PPP2R5E: variants seen among roughly 807,000 people sequenced by gnomAD.
PPP2R5E encodes protein phosphatase 2 regulatory subunit B'epsilon.
Under a neutral mutation model 65.3 loss-of-function variants are expected in PPP2R5E, and 4 were observed. The observed-to-expected ratio is 0.06, with a 90% confidence interval of 0.03 to 0.14. The LOEUF (loss-of-function observed/expected upper bound fraction) is 0.14. PPP2R5E is among the 10% of genes least tolerant of loss of function. The pLI, the probability that PPP2R5E is intolerant of heterozygous loss-of-function variation, is 1.00. For synonymous variants in PPP2R5E, 183 were observed against 187.4 expected (o/e 0.98, Z 0.19); for missense variants, 274 against 556.1 (o/e 0.49, Z 5.10).
At chr14:63,541,769 T>C (rs184119273) in intron 1 of PPP2R5E, among the ~76,000 whole-genome samples, 13 of 152,268 alleles carry the variant, frequency 8.5e-5, no homozygotes, top group Admixed American at 3.3e-4. Context: ...TTAAAACACA[T>C]GCACACATAT....
chr14:63,526,945 G>A (rs567129929), intron 2 of PPP2R5E, among the ~76,000 whole-genome samples: 36 of 152,322 alleles, frequency 2.4e-4, no homozygotes, highest in Middle Eastern at 3.4e-3. Context: ...CAAGGCGGGC[G>A]GATCACCTGA....
At chr14:63,473,987 G>A (rs1366875242) in intron 2 of PPP2R5E, among the ~76,000 whole-genome samples, 1 of 152,128 alleles carries the variant, frequency 6.6e-6, no homozygotes, top group Middle Eastern at 3.2e-3. Flanking sequence ...AAAACCTGAG[G>A]GAGAGACATT....
At chr14:63,473,279 A>G (rs1242105696) in intron 2 of PPP2R5E, among the ~76,000 whole-genome samples, 1 of 152,228 alleles carries the variant, frequency 6.6e-6, no homozygotes, top group Non-Finnish European at 1.5e-5. Flanking sequence ...AAGGGGCTAT[A>G]AATTAAACGG....
At chr14:63,502,012 G>C (rs1304774115) in intron 2 of PPP2R5E, among the ~76,000 whole-genome samples, 1 of 151,872 alleles carries the variant, frequency 6.6e-6, no homozygotes, top group Non-Finnish European at 1.5e-5. Flanking sequence ...CTTCTGTCTC[G>C]GCCTCCCGAG....
chr14:63,519,507 A>ATTTTT (rs557285871), intron 2 of PPP2R5E, among the ~76,000 whole-genome samples: 7 of 124,324 alleles, frequency 5.6e-5, no homozygotes, highest in African/African-American at 1.6e-4. Flanking sequence ...TGCCCAGCTA[A>ATTTTT]TTTTTTTTTT....
chr14:63,468,711 C>T (rs1889963239), intron 2 of PPP2R5E, among the ~76,000 whole-genome samples: 1 of 152,176 alleles, frequency 6.6e-6, no homozygotes, highest in African/African-American at 2.4e-5. Flanking sequence ...AAGCAATGTT[C>T]GACAGCTTTG....
rs746723162 is a variant in PPP2R5E, at chr14:63,539,542, C to T, written c.144G>A (p.Leu48=). The T allele has an allele frequency of 6.1e-5, 98 of 1,613,720 alleles. No homozygotes were observed. Among genetic ancestry groups the T allele is most frequent in the Non-Finnish European group, 7.8e-5 (92 of 1,179,814 alleles). Reference sequence around the variant, plus strand: ...CATGAGCCTTACCTTTTAGCAGCGGCAGAGGTGTTAACTCAATAGGCTTGC... The same window carrying T: ...CATGAGCCTTACCTTTTAGCAGCGGTAGAGGTGTTAACTCAATAGGCTTGC... ...SQGKPIELTP[L]PLLKDVPSSE... Residue 48 remains leucine (L), a synonymous_variant, in exon 2 of 14, where the codon CTG becomes CTA. Coordinates refer to ENST00000337537, the MANE Select transcript of PPP2R5E (RefSeq NM_006246.5).
intron 3 of PPP2R5E, among the ~76,000 whole-genome samples, chr14:63,445,703 G>A (rs946844291): frequency 3.3e-5 from 5 of 152,236 alleles, no homozygotes; most frequent in Non-Finnish European, 4.4e-5. Context: ...TTAGCTAAGC[G>A]TGGTGGTGAG....
intron 13 of PPP2R5E, among the ~76,000 whole-genome samples, 192 bp downstream of exon 13, chr14:63,381,864 T>C (rs541379953): frequency 6.6e-6 from 1 of 152,362 alleles, no homozygotes; most frequent in South Asian, 2.1e-4. Context: ...TACTGTATAC[T>C]TATGATGTTC....
intron 2 of PPP2R5E, among the ~76,000 whole-genome samples, chr14:63,499,635 G>A (rs111399857): frequency 0.11 from 17,301 of 152,020 alleles, 1,038 homozygotes; most frequent in East Asian, 0.2. Flanking sequence ...GCTGAAGCAG[G>A]AGAATCACTT....
chr14:63,380,071 T>G (rs952023104), intron 13 of PPP2R5E, among the ~76,000 whole-genome samples: 1 of 151,698 alleles, frequency 6.6e-6, no homozygotes, highest in African/African-American at 2.4e-5. Context: ...TGACCTCAGA[T>G]GACCCGCCCG....
At chr14:63,515,239 T>A (rs1196306230) in intron 2 of PPP2R5E, among the ~76,000 whole-genome samples, 5 of 152,142 alleles carry the variant, frequency 3.3e-5, no homozygotes, top group African/African-American at 1.2e-4. Flanking sequence ...AAAGTTGAAG[T>A]CAAACAGTAT....
intron 2 of PPP2R5E, among the ~76,000 whole-genome samples, chr14:63,464,780 G>A (rs191494326): frequency 2.8e-4 from 42 of 152,208 alleles, no homozygotes; most frequent in Non-Finnish European, 5.1e-4. Context: ...CCAGCACCTC[G>A]GGGAGGCCGA....
chr14:63,531,822 G>A (rs897213801), intron 2 of PPP2R5E, among the ~76,000 whole-genome samples: 26 of 152,010 alleles, frequency 1.7e-4, no homozygotes, highest in African/African-American at 3.4e-4. Flanking sequence ...GTGTGGTGGC[G>A]CACACCTGTA....
Position 63,479,409 on chromosome 14 carries a change from C to T in PPP2R5E, c.158-25524G>A, listed in dbSNP as rs115632377. 2.3e-3 allele frequency: 345 copies of T among 152,230 alleles called. 1 individual carries two copies. Among genetic ancestry groups the T allele is most frequent in the African/African-American group, 7.9e-3 (328 of 41,528 alleles). The allele number at this position is 152,230 out of a possible 1,614,324, so 9.4% of individuals were successfully genotyped here. A position where few individuals can be genotyped will look rare whatever the true frequency, so the allele number is the denominator to read the frequency against. ...GACAGCCTTGTTTTTCTACCTCACA[C>T]ATTTACAGTAAAAAAAATAAATAAA... On this transcript the variant is annotated intron_variant, in intron 2 of 13. Transcript: ENST00000337537.
intron 2 of PPP2R5E, among the ~76,000 whole-genome samples, chr14:63,454,886 C>G (rs2139482978): frequency 6.6e-6 from 1 of 152,340 alleles, no homozygotes; most frequent in South Asian, 2.1e-4. Flanking sequence ...TAGAAAGAAG[C>G]AGGTGGCATT....
intron 2 of PPP2R5E, among the ~76,000 whole-genome samples, chr14:63,470,708 C>G (rs745465752): frequency 1.4e-5 from 2 of 143,294 alleles, no homozygotes; most frequent in South Asian, 4.3e-4. Flanking sequence ...TAAAAACAAG[C>G]CTTTATCAAC....
At chr14:63,517,390 C>T (rs1410230472) in intron 2 of PPP2R5E, among the ~76,000 whole-genome samples, 2 of 152,130 alleles carry the variant, frequency 1.3e-5, no homozygotes, top group Non-Finnish European at 2.9e-5. Flanking sequence ...ACTGTCTTGA[C>T]TAGCCATGAA....
intron 2 of PPP2R5E, among the ~76,000 whole-genome samples, chr14:63,476,890 T>A (rs1046052864): frequency 1.3e-5 from 2 of 152,168 alleles, no homozygotes; most frequent in African/African-American, 4.8e-5. Context: ...CACTAACAGC[T>A]GAAAACTAAG....
Sources: allele counts gnomAD v4.1 joint callset (sites outside exome capture counted in the v4.1 genomes callset), GRCh38; gene constraint gnomAD v4.1.1; transcripts MANE v1.5; gene names NCBI Gene and HGNC (gene_info 2026-07-23, HGNC 2026-07-21).